The following ALK variants were observed in gnomAD, a reference collection of about 807,000 sequenced individuals.
The protein encoded by ALK is ALK receptor tyrosine kinase.
In ALK, 74 loss-of-function variants were observed where a neutral mutation model predicts 163.1. The ratio of observed to expected loss-of-function variants is 0.45; its 90% CI spans 0.38 to 0.55. The LOEUF is 0.55. Among genes scored for constraint, ALK ranks in the 20% least tolerant of loss-of-function variants. ALK has a pLI of 0.00. For missense variants in ALK, 2,063 were observed against 2,105.3 expected (o/e 0.98, Z 0.39); for synonymous variants, 960 against 843.2 (o/e 1.14, Z -2.40).
intron 3 of ALK, among the ~76,000 whole-genome samples, chr2:29,566,027 G>A (rs1441173774): frequency 6.6e-6 from 1 of 152,130 alleles, no homozygotes; most frequent in Non-Finnish European, 1.5e-5. Context: ...AGGTCTCCAG[G>A]AGATGCTCCG....
chr2:29,743,892 C>T (rs757441881), intron 1 of ALK, among the ~76,000 whole-genome samples: 1 of 151,842 alleles, frequency 6.6e-6, no homozygotes, highest in Non-Finnish European at 1.5e-5. Flanking sequence ...CCAACCAAGC[C>T]CATTTTATGG....
rs372247384 is a variant in ALK, at chr2:29,288,780, A to G, written c.1817+8108T>C. 1.8e-4 allele frequency among the ~76,000 whole-genome samples: 28 copies of G among 151,608 alleles called. No individual in the cohort carries two copies. The East Asian group carries it at 2.1e-3, about 12-fold the overall frequency. On this transcript the variant is annotated intron_variant, in intron 9 of 28. Transcript: ENST00000389048. ...AGCCTGGCCAACATGGTGAAATCCC[A>G]TCTCTACTAAAAAATACAAAAATTA...
chr2:29,319,704 T>A (rs1177279240), intron 7 of ALK, among the ~76,000 whole-genome samples: 1 of 152,222 alleles, frequency 6.6e-6, no homozygotes, highest in Non-Finnish European at 1.5e-5. Flanking sequence ...CAGGGCTGGA[T>A]GCTTATTTGC....
At chr2:29,558,315 G>A (rs1673920640) in intron 3 of ALK, among the ~76,000 whole-genome samples, 1 of 152,098 alleles carries the variant, frequency 6.6e-6, no homozygotes, top group Non-Finnish European at 1.5e-5. Flanking sequence ...CTTATCTCAG[G>A]GTTAGGCCTT....
chr2:29,685,308 C>T (rs552241214), intron 3 of ALK, among the ~76,000 whole-genome samples: 1 of 152,240 alleles, frequency 6.6e-6, no homozygotes, highest in South Asian at 2.1e-4. Context: ...AAGTAGTAGC[C>T]TTATCCCAGG....
chr2:29,454,897 G>A (rs1670911992), intron 4 of ALK, among the ~76,000 whole-genome samples: 1 of 152,036 alleles, frequency 6.6e-6, no homozygotes, highest in East Asian at 1.9e-4. Context: ...TACTCCCTTA[G>A]TTGTTCAAAT....
chr2:29,610,285 G>T (rs1177150822), intron 3 of ALK, among the ~76,000 whole-genome samples: 1 of 152,162 alleles, frequency 6.6e-6, no homozygotes, highest in East Asian at 1.9e-4. Flanking sequence ...CTTGCTGTTG[G>T]CTCAGTGGAC....
chr2:29,456,653 A>G (rs538738590), intron 4 of ALK, among the ~76,000 whole-genome samples: 35 of 152,318 alleles, frequency 2.3e-4, no homozygotes, highest in Non-Finnish European at 4.0e-4. Context: ...TTGCACAATA[A>G]TATGAATATA....
intron 4 of ALK, among the ~76,000 whole-genome samples, chr2:29,486,825 T>C (rs1170366607): frequency 6.6e-6 from 1 of 152,220 alleles, no homozygotes; most frequent in African/African-American, 2.4e-5. Context: ...GAAATAATAG[T>C]AGCATTTAAT....
At chr2:29,897,656 G>A (rs534679357) in intron 1 of ALK, among the ~76,000 whole-genome samples, 27 of 152,272 alleles carry the variant, frequency 1.8e-4, no homozygotes, top group Admixed American at 1.5e-3. Flanking sequence ...CAGTTACCCT[G>A]GGATTTGGTG....
At chr2:29,806,285 T>C (rs1300343216) in intron 1 of ALK, among the ~76,000 whole-genome samples, 10 of 152,032 alleles carry the variant, frequency 6.6e-5, no homozygotes, top group Non-Finnish European at 2.9e-5. Flanking sequence ...GGGAGAGGTG[T>C]GGGATGCTGA....
intron 2 of ALK, 153 bp downstream of exon 2, chr2:29,717,425 C>T: frequency 2.2e-6 from 2 of 901,590 alleles, no homozygotes; most frequent in Non-Finnish European, 3.5e-6. Context: ...GGTTGAGCGT[C>T]ACTGGGAGAC....
chr2:29,536,374 G>A (rs4666236), intron 3 of ALK, among the ~76,000 whole-genome samples: 18,396 of 151,472 alleles, frequency 0.12, 1,486 homozygotes, highest in East Asian at 0.33. Flanking sequence ...TTTCTCTCTC[G>A]CTCTCACTCT....
chr2:29,243,682 G>T (rs1664581338), intron 12 of ALK, among the ~76,000 whole-genome samples: 1 of 152,242 alleles, frequency 6.6e-6, no homozygotes, highest in African/African-American at 2.4e-5. Flanking sequence ...GAAGACCCCT[G>T]CACCCTGTGA....
intron 3 of ALK, among the ~76,000 whole-genome samples, chr2:29,624,438 T>TC (rs1676133271): frequency 6.6e-6 from 1 of 152,116 alleles, no homozygotes; most frequent in Non-Finnish European, 1.5e-5. Flanking sequence ...AGGACACAGC[T>TC]GGGGAAGGCT....
intron 3 of ALK, among the ~76,000 whole-genome samples, chr2:29,676,515 A>G (rs149426422): frequency 1.5e-3 from 231 of 152,138 alleles, no homozygotes; most frequent in African/African-American, 5.2e-3. Context: ...TTCCATTGGT[A>G]TATAAGCCTC....
chr2:29,240,064 T>C (rs1024126247), intron 12 of ALK, among the ~76,000 whole-genome samples: 9 of 147,306 alleles, frequency 6.1e-5, no homozygotes, highest in African/African-American at 2.3e-4. Flanking sequence ...GAAAGACTAG[T>C]AAAGGGTGCA....
rs751862066 is a variant in ALK at position 29,416,979 on chromosome 2, C to CTTTTTTTT, written c.1155-33128_1155-33121dup. On this transcript the variant is annotated intron_variant, in intron 4 of 28. Coordinates refer to ENST00000389048, the MANE Select transcript of ALK (RefSeq NM_004304.5). Reference sequence around the variant, plus strand: ...ACTTTTGTTTTATAGATGTTTGATGCTTTTTTTTTTTTTTTTTTTTTTTTT... The same window carrying CTTTTTTTT: ...ACTTTTGTTTTATAGATGTTTGATGCTTTTTTTTTTTTTTTTTTTTTTTTTTTTTTTTT... 3.9e-5 allele frequency among the ~76,000 whole-genome samples: 3 copies of CTTTTTTTT among 77,672 alleles called. 1 individual carries two copies. The highest frequency in any genetic ancestry group is 3.2e-4 in the Admixed American group (2 of 6,166). 51.0% of individuals were successfully genotyped at this position (77,672 alleles called of 152,430 possible).
chr2:29,592,745 A>T (rs1356570383), intron 3 of ALK, among the ~76,000 whole-genome samples: 1 of 152,174 alleles, frequency 6.6e-6, no homozygotes, highest in African/African-American at 2.4e-5. Flanking sequence ...TTGCAGATGT[A>T]ATTAAGCTTA....
Sources: gnomAD v4.1 joint callset for allele counts (sites outside exome capture counted in the v4.1 genomes callset) on GRCh38, gnomAD v4.1.1 for gene constraint, MANE v1.5 for transcripts, NCBI Gene and HGNC (gene_info 2026-07-23, HGNC 2026-07-21) for gene names.